Variants in UNC13C observed in about 807,000 individuals in gnomAD.
UNC13C encodes protein unc-13 homolog C.
Under a neutral mutation model 245.4 loss-of-function variants are expected in UNC13C, and 174 were observed. The ratio of observed to expected loss-of-function variants is 0.71; its 90% confidence interval spans 0.63 to 0.80. The LOEUF is 0.80. UNC13C is among the 30% of genes least tolerant of loss of function. UNC13C has a pLI of 0.00. For synonymous variants in UNC13C, 992 were observed against 895.1 expected, an observed-to-expected ratio of 1.11 and a Z score of -1.93; for missense variants, 2,829 against 2,602.9, an observed-to-expected ratio of 1.09 and a Z score of -1.89.
the UNC13C span, among the ~76,000 whole-genome samples, chr15:53,866,042 A>T: frequency 0.35 from 53,642 of 152,088 alleles, 9,601 homozygotes; most frequent in East Asian, 0.54. Flanking sequence ...AATAATTTTT[A>T]AAAATAAACT....
At chr15:54,291,945 T>G (rs2037309268) in intron 10 of UNC13C, among the ~76,000 whole-genome samples, 1 of 152,026 alleles carries the variant, frequency 6.6e-6, no homozygotes, top group South Asian at 2.1e-4. Flanking sequence ...ACAACTACCC[T>G]AGAATACATA....
chr15:54,106,065 G>T (rs926048692), intron 2 of UNC13C, among the ~76,000 whole-genome samples: 2 of 152,208 alleles, frequency 1.3e-5, no homozygotes, highest in Non-Finnish European at 1.5e-5. Flanking sequence ...CTTCAGTGAA[G>T]TAGTTGTAGT....
At chr15:53,940,384 G>A in the UNC13C span, among the ~76,000 whole-genome samples, 2 of 152,048 alleles carry the variant, frequency 1.3e-5, no homozygotes, top group Admixed American at 6.6e-5. Context: ...AAAGCTGGAA[G>A]CATTCCCCTT....
chr15:53,959,767 T>C, the UNC13C span, among the ~76,000 whole-genome samples: 1 of 152,182 alleles, frequency 6.6e-6, no homozygotes, highest in Non-Finnish European at 1.5e-5. Flanking sequence ...ATAATATAGA[T>C]GATCCATGTT....
intron 13 of UNC13C, among the ~76,000 whole-genome samples, chr15:54,316,577 A>G (rs1482530986): frequency 1.3e-5 from 2 of 151,906 alleles, no homozygotes; most frequent in South Asian, 2.1e-4. Context: ...AATTTATTAC[A>G]TGACCGATTC....
chr15:54,008,259 A>G (rs149835935), intron 1 of UNC13C, among the ~76,000 whole-genome samples: 2 of 152,336 alleles, frequency 1.3e-5, no homozygotes, highest in East Asian at 3.9e-4. Context: ...TGGGGTTCGG[A>G]GTCAAGGCTG....
At chr15:54,032,720 T>A (rs916573850) in intron 2 of UNC13C, among the ~76,000 whole-genome samples, 5 of 152,164 alleles carry the variant, frequency 3.3e-5, no homozygotes, top group African/African-American at 1.2e-4. Context: ...TACAAGTTAT[T>A]GTGCTGGAGG....
At chr15:53,889,822 TG>T in the UNC13C span, among the ~76,000 whole-genome samples, 1 of 152,230 alleles carries the variant, frequency 6.6e-6, no homozygotes. Flanking sequence ...ACGTGGTTTT[TG>T]TCATTGGTTC....
intron 10 of UNC13C, among the ~76,000 whole-genome samples, chr15:54,280,584 C>A (rs547798340): frequency 3.6e-4 from 53 of 147,662 alleles, no homozygotes; most frequent in African/African-American, 1.2e-3. Context: ...AACCCATTGT[C>A]TCTCTCTCTC....
At chr15:53,889,764 G>A in the UNC13C span, among the ~76,000 whole-genome samples, 1 of 152,148 alleles carries the variant, frequency 6.6e-6, no homozygotes, top group South Asian at 2.1e-4. Flanking sequence ...TTAGCATGAA[G>A]GGTGTTGAAT....
At chr15:54,331,373 A>G (rs2038431031) in intron 14 of UNC13C, among the ~76,000 whole-genome samples, 4 of 152,166 alleles carry the variant, frequency 2.6e-5, no homozygotes, top group Middle Eastern at 3.4e-3. Context: ...TATTCTCACC[A>G]TCTTCAAATA....
At chr15:53,900,556 G>A in the UNC13C span, among the ~76,000 whole-genome samples, 1 of 152,144 alleles carries the variant, frequency 6.6e-6, no homozygotes, top group Non-Finnish European at 1.5e-5. Flanking sequence ...GAGATATGGT[G>A]GGGATTATGA....
intron 4 of UNC13C, among the ~76,000 whole-genome samples, chr15:54,201,938 C>G (rs1461635060): frequency 6.6e-6 from 1 of 151,966 alleles, no homozygotes; most frequent in Non-Finnish European, 1.5e-5. Flanking sequence ...CAAAAAGCTT[C>G]TAGAACTGGT....
chr15:54,153,309 A>T (rs964138630), intron 4 of UNC13C, among the ~76,000 whole-genome samples: 1 of 139,402 alleles, frequency 7.2e-6, no homozygotes, highest in African/African-American at 2.6e-5. Context: ...TATATCTCAA[A>T]TTCATAATTA....
chr15:54,447,611 T>G (rs1371857892), intron 19 of UNC13C, among the ~76,000 whole-genome samples: 3 of 152,238 alleles, frequency 2.0e-5, no homozygotes, highest in African/African-American at 7.2e-5. Context: ...GTGGGATCGA[T>G]GGTGATATCC....
intron 2 of UNC13C, among the ~76,000 whole-genome samples, chr15:54,105,685 C>G (rs1344648698): frequency 6.6e-6 from 1 of 152,116 alleles, no homozygotes; most frequent in Non-Finnish European, 1.5e-5. Flanking sequence ...AGAAAAACTA[C>G]ACAGACTATT....
At chr15:54,553,553 A>T (rs1254933998) in intron 28 of UNC13C, among the ~76,000 whole-genome samples, 3 of 147,334 alleles carry the variant, frequency 2.0e-5, no homozygotes, top group African/African-American at 7.4e-5. Flanking sequence ...TATTTCATAT[A>T]ATCAGATTTA....
chr15:54,342,579 G>A (rs943038789), intron 17 of UNC13C, among the ~76,000 whole-genome samples: 2 of 151,328 alleles, frequency 1.3e-5, no homozygotes, highest in Non-Finnish European at 2.9e-5. Context: ...AAAAAAAAAT[G>A]TGTCTATCAC....
chr15:53,840,463 T>C, the UNC13C span, among the ~76,000 whole-genome samples: 1 of 151,928 alleles, frequency 6.6e-6, no homozygotes, highest in Non-Finnish European at 1.5e-5. Context: ...AGAGTCATAA[T>C]AGGAAGGGGC....
Sources: allele counts gnomAD v4.1 joint callset (sites outside exome capture counted in the v4.1 genomes callset), GRCh38; gene constraint gnomAD v4.1.1; transcripts MANE v1.5; gene names NCBI Gene and HGNC (gene_info 2026-07-23, HGNC 2026-07-21).